The following ADAM12 variants were observed in gnomAD, a reference collection of about 807,000 sequenced individuals.
ADAM12 encodes disintegrin and metalloproteinase domain-containing protein 12.
Under a neutral mutation model 106.4 loss-of-function variants are expected in ADAM12, and 70 were observed. That is an observed-to-expected ratio of 0.66 (90% CI 0.54 to 0.80). The LOEUF (loss-of-function observed/expected upper bound fraction) is 0.80, where lower values mean the gene tolerates loss of function less well. ADAM12 is among the 30% of genes least tolerant of loss of function. ADAM12 has a pLI of 0.00. For synonymous variants in ADAM12, 420 were observed against 433.5 expected (o/e 0.97, Z 0.39); for missense variants, 1,010 against 1,171.9 (o/e 0.86, Z 2.02).
At chr10:126,148,272 C>G (rs1292192914) in intron 4 of ADAM12, among the ~76,000 whole-genome samples, 3 of 152,166 alleles carry the variant, frequency 2.0e-5, no homozygotes, top group Non-Finnish European at 2.9e-5. Context: ...TTATTTTATA[C>G]ATAACTTTAA....
chr10:126,381,022 T>G (rs1362411492), intron 1 of ADAM12, among the ~76,000 whole-genome samples: 1 of 152,236 alleles, frequency 6.6e-6, no homozygotes, highest in African/African-American at 2.4e-5. Flanking sequence ...GCTTAGCTTC[T>G]TTAAATGATG....
chr10:126,211,739 T>C (rs1327724564), intron 3 of ADAM12, among the ~76,000 whole-genome samples: 4 of 152,216 alleles, frequency 2.6e-5, no homozygotes, highest in Middle Eastern at 6.8e-3. Flanking sequence ...AATCCGCAAA[T>C]AGTCATCTCT....
intron 3 of ADAM12, among the ~76,000 whole-genome samples, chr10:126,174,103 G>C (rs1311228132): frequency 6.9e-6 from 1 of 143,934 alleles, no homozygotes; most frequent in East Asian, 2.0e-4. Flanking sequence ...CCGCCTCCCG[G>C]TTTCAAGCCA....
At position 126,094,260 on chromosome 10, in the gene ADAM12, C is replaced by A. The variant is rs1318905186; in HGVS notation, c.997-127G>T. On this transcript the variant is annotated intron_variant, in intron 10 of 22. Transcript: ENST00000448723. Reference sequence around the variant, plus strand: ...CTTAATGTAATTCCTTATAAGGGACCAAGGTAAAACGCTATCATTTAGTTT... The same window carrying A: ...CTTAATGTAATTCCTTATAAGGGACAAAGGTAAAACGCTATCATTTAGTTT... The A allele has an allele frequency of 6.7e-6, 6 of 894,562 alleles. No individual in the cohort carries two copies. In the East Asian group the frequency reaches 1.3e-4, roughly 20 times the overall value. 55.4% of individuals were successfully genotyped at this position (894,562 alleles called of 1,614,324 possible). A position where few individuals can be genotyped will look rare whatever the true frequency, so the allele number is the denominator to read the frequency against.
chr10:126,169,084 C>T (rs1300219551), intron 3 of ADAM12, among the ~76,000 whole-genome samples: 2 of 152,078 alleles, frequency 1.3e-5, no homozygotes, highest in African/African-American at 2.4e-5. Context: ...AAAACACATT[C>T]CTTAGTGTGG....
chr10:126,368,823 TCATCAC>T (rs10544113), intron 1 of ADAM12, among the ~76,000 whole-genome samples: 39,633 of 151,734 alleles, frequency 0.26, 5,363 homozygotes, highest in Middle Eastern at 0.33. Context: ...GTTAAGTTTA[TCATCAC>T]CAGATCACTA....
At chr10:126,041,514 T>A (rs1484902661) in intron 18 of ADAM12, 1 of 985,618 alleles carries the variant, frequency 1.0e-6, no homozygotes, top group Non-Finnish European at 1.2e-6. Flanking sequence ...GTCACGCATG[T>A]CCACAGCAAA....
intron 21 of ADAM12, among the ~76,000 whole-genome samples, chr10:126,023,716 C>T (rs900325910): frequency 2.0e-5 from 3 of 152,108 alleles, no homozygotes; most frequent in Non-Finnish European, 4.4e-5. Flanking sequence ...AACCTGTCAC[C>T]ACAAATTGTC....
intron 2 of ADAM12, among the ~76,000 whole-genome samples, chr10:126,301,266 T>A (rs1315639540): frequency 1.3e-5 from 2 of 152,250 alleles, no homozygotes; most frequent in African/African-American, 2.4e-5. Context: ...TATAACCTTG[T>A]AAGTGCTAAC....
At chr10:126,284,060 C>T (rs755316511) in intron 2 of ADAM12, among the ~76,000 whole-genome samples, 4 of 152,220 alleles carry the variant, frequency 2.6e-5, no homozygotes, top group South Asian at 2.1e-4. Context: ...TGGCTGGGCA[C>T]AGTGTCTCAT....
At chr10:126,381,499 T>A (rs72830725) in intron 1 of ADAM12, among the ~76,000 whole-genome samples, 11,181 of 151,384 alleles carry the variant, frequency 0.074, 454 homozygotes, top group Middle Eastern at 0.15. Context: ...TTATATTTTT[T>A]AAAAAAAAAC....
chr10:126,171,867 G>A (rs751494821), intron 3 of ADAM12, among the ~76,000 whole-genome samples: 1 of 152,154 alleles, frequency 6.6e-6, no homozygotes, highest in Admixed American at 6.5e-5. Flanking sequence ...AATCTTGCAC[G>A]CAAAGTTGGG....
At chr10:126,348,391 G>A (rs184706753) in intron 1 of ADAM12, among the ~76,000 whole-genome samples, 7 of 152,280 alleles carry the variant, frequency 4.6e-5, no homozygotes, top group South Asian at 2.1e-4. Context: ...GGGCATTCAC[G>A]TGGGAGGATG....
At chr10:126,045,968 T>A in intron 17 of ADAM12, 87 bp downstream of exon 17, 5 of 1,202,570 alleles carry the variant, frequency 4.2e-6, no homozygotes, top group Non-Finnish European at 6.2e-6. Context: ...TAAAAAATGC[T>A]ATGGATTGCA....
intron 14 of ADAM12, among the ~76,000 whole-genome samples, chr10:126,061,161 G>GCC (rs1454346862): frequency 5.3e-5 from 8 of 152,148 alleles, no homozygotes; most frequent in African/African-American, 1.9e-4. Flanking sequence ...CCCTCTTACA[G>GCC]CCCGTTTTAC....
intron 11 of ADAM12, among the ~76,000 whole-genome samples, chr10:126,081,598 G>A (rs1955218654): frequency 1.3e-5 from 2 of 152,316 alleles, no homozygotes; most frequent in African/African-American, 4.8e-5. Context: ...GGCGTGTGGT[G>A]AGAACTCAAG....
chr10:126,234,894 C>A (rs934853040), intron 3 of ADAM12, among the ~76,000 whole-genome samples: 2 of 152,172 alleles, frequency 1.3e-5, no homozygotes, highest in African/African-American at 4.8e-5. Flanking sequence ...CAAAGGGGCA[C>A]GTGGAGAGAC....
chr10:126,182,944 A>T (rs1485053468), intron 3 of ADAM12, among the ~76,000 whole-genome samples: 2 of 152,272 alleles, frequency 1.3e-5, no homozygotes, highest in African/African-American at 4.8e-5. Flanking sequence ...TGGGCCACAC[A>T]GCAGGAGGTG....
chr10:126,030,693 T>G (rs1271630596), intron 21 of ADAM12, among the ~76,000 whole-genome samples: 1 of 152,214 alleles, frequency 6.6e-6, no homozygotes, highest in Non-Finnish European at 1.5e-5. Flanking sequence ...CGTGGATAAC[T>G]GATACCCTTA....
Sources: allele counts gnomAD v4.1 joint callset (sites outside exome capture counted in the v4.1 genomes callset), GRCh38; gene constraint gnomAD v4.1.1; transcripts MANE v1.5; gene names NCBI Gene and HGNC (gene_info 2026-07-23, HGNC 2026-07-21).